FOXJ3: variants seen among roughly 807,000 people sequenced by gnomAD.
FOXJ3 encodes the protein forkhead box J3.
A neutral mutation model predicts 76.1 loss-of-function variants in FOXJ3; 22 were observed. The observed-to-expected ratio is 0.29, with a 90% CI of 0.21 to 0.41. FOXJ3 has a LOEUF of 0.41. Among genes scored for constraint, FOXJ3 ranks in the 10% least tolerant of loss-of-function variants. The pLI is 1.00. For missense variants in FOXJ3, 613 were observed against 762.1 expected (o/e 0.80, Z 2.30); for synonymous variants, 269 against 261.2 (o/e 1.03, Z -0.29).
At chr1:42,306,611 G>C (rs1188478936) in intron 2 of FOXJ3, among the ~76,000 whole-genome samples, 1 of 152,010 alleles carries the variant, frequency 6.6e-6, no homozygotes, top group South Asian at 2.1e-4. Flanking sequence ...CCCACTCTCT[G>C]AACTCTCACT....
chr1:42,186,010 C>G (rs1410830200), intron 11 of FOXJ3, among the ~76,000 whole-genome samples: 1 of 152,106 alleles, frequency 6.6e-6, no homozygotes, highest in Non-Finnish European at 1.5e-5. Context: ...CACTTTCTCC[C>G]CCTGGATTAC....
intron 1 of FOXJ3, among the ~76,000 whole-genome samples, chr1:42,327,928 GGA>G (rs1379236563): frequency 3.9e-5 from 6 of 152,126 alleles, no homozygotes; most frequent in African/African-American, 1.4e-4. Context: ...CCAACTCTAT[GGA>G]ATCCACAGAC....
intron 3 of FOXJ3, among the ~76,000 whole-genome samples, chr1:42,269,621 C>T (rs1214952895): frequency 2.6e-5 from 4 of 152,142 alleles, no homozygotes; most frequent in Non-Finnish European, 5.9e-5. Context: ...ACTCCTCAAA[C>T]TCAACATATT....
In FOXJ3 at chr1:42,199,830, CTT is replaced by C. The variant is rs202133977; in HGVS notation, c.631-602_631-601del. Among the ~76,000 whole-genome samples the C allele has an allele frequency of 6.8e-4, 103 of 151,430 alleles. No homozygotes were observed. In the East Asian group the frequency reaches 0.017, roughly 25 times the overall value. On this transcript the variant is annotated intron_variant, in intron 6 of 12. Transcript: ENST00000361346. ...AGAAGGGGCTGAGGATTCCTGAAGA[CTT>C]TTACATTTGTGTATATTTTTACAGT...
chr1:42,220,707 A>G (rs764954091), intron 5 of FOXJ3, among the ~76,000 whole-genome samples: 11 of 152,276 alleles, frequency 7.2e-5, no homozygotes, highest in South Asian at 4.1e-4. Flanking sequence ...GGAGTCCCCA[A>G]TGAGATCGAG....
chr1:42,241,280 G>A (rs917722520), intron 4 of FOXJ3, among the ~76,000 whole-genome samples: 1 of 152,144 alleles, frequency 6.6e-6, no homozygotes, highest in Non-Finnish European at 1.5e-5. Context: ...TGCAGCCACT[G>A]ACAACTCTGC....
intron 11 of FOXJ3, among the ~76,000 whole-genome samples, chr1:42,185,841 C>G (rs1569771752): frequency 6.6e-6 from 1 of 152,104 alleles, no homozygotes; most frequent in East Asian, 1.9e-4. Flanking sequence ...CACTAGCACA[C>G]TACACCACTA....
intron 2 of FOXJ3, among the ~76,000 whole-genome samples, chr1:42,293,253 T>C (rs1480140145): frequency 4.7e-5 from 7 of 147,838 alleles, no homozygotes; most frequent in Non-Finnish European, 1.5e-5. Flanking sequence ...GGTCAGATGT[T>C]ACCAAAATTT....
chr1:42,273,279 T>G (rs1460893465), intron 3 of FOXJ3, among the ~76,000 whole-genome samples: 7 of 152,208 alleles, frequency 4.6e-5, no homozygotes, highest in Admixed American at 2.6e-4. Context: ...GTAGCTCCCT[T>G]AGGCCCTGTG....
rs758830735 is a variant in FOXJ3, at chr1:42,179,765, C to A, written c.1814G>T (p.Arg605Leu). 1 of 1,614,048 alleles carries A rather than the reference C, an allele frequency of 6.2e-7. No homozygotes were observed. The highest frequency in any genetic ancestry group is 1.1e-5 in the South Asian group (1 of 91,082). Residue 605 changes from arginine to leucine, a missense_variant, in exon 13 of 13, where the codon CGT becomes CTT. Physicochemically the swap from Arg to Leu is moderately radical, Grantham distance 102 (BLOSUM62 -2). Around this residue, in one of 3 missense-constraint regions of FOXJ3, gnomAD observed 526 missense variants for 601.4 expected, o/e 0.87. Coordinates refer to ENST00000361346, the MANE Select transcript of FOXJ3 (RefSeq NM_014947.5). ...MMPSQAFQMRRSLPPDDIQDD... is the reference protein window; with the variant it reads ...MMPSQAFQMRLSLPPDDIQDD... ...CTGGATGTCATCTGGAGGCAGGGAA[C>A]GCCGCATCTGGAAGGCTTGGGAAGG...
At chr1:42,204,580 C>G (rs934318057) in intron 6 of FOXJ3, among the ~76,000 whole-genome samples, 13 of 152,136 alleles carry the variant, frequency 8.5e-5, no homozygotes, top group Admixed American at 3.3e-4. Context: ...CAGAAATTCT[C>G]ACCTAGCTGG....
At chr1:42,330,210 T>C (rs1224366570) in intron 1 of FOXJ3, among the ~76,000 whole-genome samples, 1 of 152,226 alleles carries the variant, frequency 6.6e-6, no homozygotes. Flanking sequence ...ATGTTAGCTA[T>C]TATTATCATT....
chr1:42,288,033 A>G (rs1653171576), intron 2 of FOXJ3, among the ~76,000 whole-genome samples: 1 of 152,202 alleles, frequency 6.6e-6, no homozygotes, highest in Admixed American at 6.5e-5. Context: ...GGTCAAAGAT[A>G]TTTTATGCTA....
At chr1:42,316,912 T>C (rs974578219) in intron 1 of FOXJ3, among the ~76,000 whole-genome samples, 11 of 152,154 alleles carry the variant, frequency 7.2e-5, no homozygotes, top group African/African-American at 2.7e-4. Flanking sequence ...GACTACACAT[T>C]GGGTACAGTG....
chr1:42,208,288 A>G (rs982051527), intron 5 of FOXJ3, among the ~76,000 whole-genome samples: 1 of 152,220 alleles, frequency 6.6e-6, no homozygotes, highest in African/African-American at 2.4e-5. Context: ...TCATCCCTCA[A>G]CAAAATACTA....
intron 4 of FOXJ3, among the ~76,000 whole-genome samples, chr1:42,258,519 T>C (rs1013500341): frequency 6.6e-6 from 1 of 152,230 alleles, no homozygotes; most frequent in Non-Finnish European, 1.5e-5. Context: ...GTCTGGCTAG[T>C]TGACCGAATG....
chr1:42,252,214 G>C (rs1023928792), intron 4 of FOXJ3, among the ~76,000 whole-genome samples: 1 of 152,128 alleles, frequency 6.6e-6, no homozygotes, highest in African/African-American at 2.4e-5. Context: ...GTTCCTCCTT[G>C]TATCTCTGGT....
rs1646533859 is a variant in FOXJ3 at position 42,191,201 on chromosome 1, T to TGTAAA, written c.1351+97_1351+101dup. ...TATAGGATTATAGCAAGGAAACAGATGTAAAGAGGTTTTGGTAGTAAATAC... is the reference window on the plus strand; with the variant it reads ...TATAGGATTATAGCAAGGAAACAGATGTAAAGTAAAGAGGTTTTGGTAGTAAATAC... On this transcript the variant is annotated intron_variant, in intron 9 of 12. Transcript: ENST00000361346. 19 of 1,048,336 alleles carry TGTAAA rather than the reference T, an allele frequency of 1.8e-5. No homozygotes were observed. In the South Asian group the frequency reaches 4.0e-4, roughly 22 times the overall value. 64.9% of individuals were successfully genotyped at this position (1,048,336 alleles called of 1,614,324 possible). A position where few individuals can be genotyped will look rare whatever the true frequency, so the allele number is the denominator to read the frequency against.
chr1:42,194,404 T>C (rs531595759), intron 8 of FOXJ3, among the ~76,000 whole-genome samples: 10 of 152,360 alleles, frequency 6.6e-5, no homozygotes, highest in African/African-American at 2.2e-4. Flanking sequence ...TGTACAACAA[T>C]GACCTAGCGT....
Sources: gnomAD v4.1 joint callset for allele counts (sites outside exome capture counted in the v4.1 genomes callset) on GRCh38, gnomAD v4.1.1 for gene constraint, gnomAD v4.1.1 regional missense constraint, MANE v1.5 for transcripts, NCBI Gene and HGNC (gene_info 2026-07-23, HGNC 2026-07-21) for gene names.